DROSHA: variants seen among roughly 807,000 people sequenced by gnomAD.
The protein encoded by DROSHA is drosha ribonuclease III, also known as ribonuclease 3.
DROSHA carries 56 observed loss-of-function variants against 181.9 expected under a neutral mutation model. The observed-to-expected ratio is 0.31, with a 90% CI of 0.25 to 0.38. The LOEUF (loss-of-function observed/expected upper bound fraction) is 0.38, where lower values mean the gene tolerates loss of function less well. DROSHA is among the 10% of genes least tolerant of loss of function. The pLI, the probability that DROSHA is intolerant of heterozygous loss-of-function variation, is 1.00. For missense variants in DROSHA, 1,218 were observed against 1,743.5 expected, an observed-to-expected ratio of 0.70 and a Z score of 5.37; for synonymous variants, 524 against 591.2, an observed-to-expected ratio of 0.89 and a Z score of 1.65.
intron 16 of DROSHA, among the ~76,000 whole-genome samples, chr5:31,481,057 AAC>A (rs1163381294): frequency 5.3e-5 from 8 of 150,882 alleles, no homozygotes; most frequent in Admixed American, 5.3e-4. Context: ...ACGTAAAAAA[AAC>A]CCTTCTGCAC....
At chr5:31,446,224 A>G (rs903462667) in intron 23 of DROSHA, among the ~76,000 whole-genome samples, 2 of 152,102 alleles carry the variant, frequency 1.3e-5, no homozygotes, top group Non-Finnish European at 2.9e-5. Context: ...AGGCGGGCGG[A>G]TCACAAGGTC....
At chr5:31,413,008 T>C (rs767547719) in intron 30 of DROSHA, among the ~76,000 whole-genome samples, 2 of 152,176 alleles carry the variant, frequency 1.3e-5, no homozygotes, top group Non-Finnish European at 2.9e-5. Context: ...AAGCCGTGTA[T>C]ATGGAATGTT....
rs564476818 is a variant in DROSHA, at chr5:31,463,851, T to C, written c.2574+385A>G. Among the ~76,000 whole-genome samples the C allele has an allele frequency of 3.3e-5, 5 of 152,318 alleles. No homozygotes were observed. In the East Asian group the frequency reaches 9.7e-4, roughly 29 times the overall value. ...ATTTGAGTCATCAGTCTAGAAAACA[T>C]ACACTTTACGAGTCTGCTTGTATGG... On this transcript the variant is annotated intron_variant, in intron 20 of 35. Transcript: ENST00000344624.
chr5:31,521,109 A>G lies in DROSHA; in HGVS notation c.947+14T>C, dbSNP rs764591050. The G allele has an allele frequency of 1.9e-6, 3 of 1,613,112 alleles. No homozygotes were observed. The highest frequency in any genetic ancestry group is 2.5e-6 in the Non-Finnish European group (3 of 1,179,240). On this transcript the variant is annotated intron_variant, in intron 6 of 35. Transcript: ENST00000344624. The stretch of plus-strand genomic sequence containing the variant: ...TAATCCTATGACTTCTTTCAGTGTC[A>G]ACTCCTTGCTTACCTTCCAGATCTC...
At chr5:31,492,488 A>G (rs954316345) in intron 13 of DROSHA, among the ~76,000 whole-genome samples, 2 of 152,250 alleles carry the variant, frequency 1.3e-5, no homozygotes, top group Non-Finnish European at 2.9e-5. Context: ...TTTGATGTGG[A>G]TATACAATAG....
intron 27 of DROSHA, among the ~76,000 whole-genome samples, chr5:31,428,751 T>A (rs1580057542): frequency 6.6e-6 from 1 of 152,292 alleles, no homozygotes; most frequent in East Asian, 1.9e-4. Flanking sequence ...TATTGCTCCA[T>A]GAGGGCTATT....
chr5:31,403,665 A>G (rs77465976), intron 35 of DROSHA, among the ~76,000 whole-genome samples: 4,456 of 152,266 alleles, frequency 0.029, 120 homozygotes, highest in African/African-American at 0.071. Flanking sequence ...ATAAATTTTT[A>G]TTGGCAGACA....
intron 11 of DROSHA, among the ~76,000 whole-genome samples, chr5:31,497,043 C>G (rs541441546): frequency 9.2e-5 from 14 of 152,168 alleles, no homozygotes; most frequent in Non-Finnish European, 1.6e-4. Flanking sequence ...CAATGGTAAC[C>G]CCGTGCACTC....
Position 31,409,380 on chromosome 5 carries a change from A to G in DROSHA, c.3668-48T>C. The G allele has an allele frequency of 6.5e-7, 1 of 1,537,316 alleles. No individual in the cohort carries two copies. Among genetic ancestry groups the G allele is most frequent in the South Asian group, 1.2e-5 (1 of 83,116 alleles). ...AAATAAACCACAATCACTGCCATCT[A>G]TCAGAAAGAGTAAGAGACCTAGACC... On this transcript the variant is annotated intron_variant, in intron 31 of 35. Coordinates refer to ENST00000344624, the MANE Select transcript of DROSHA (RefSeq NM_001382508.1). The surrounding 1 kb of genome is among the most constrained non-coding windows in gnomAD (Gnocchi z 4.0).
chr5:31,528,356 A>G lies in DROSHA; in HGVS notation c.20+684T>C, dbSNP rs193251874. Among the ~76,000 whole-genome samples, 387 of 152,238 alleles carry G rather than the reference A, an allele frequency of 2.5e-3. 2 individuals are homozygous for G. Among genetic ancestry groups the G allele is most frequent in the African/African-American group, 8.8e-3 (365 of 41,534 alleles). ...CAACAAATTCAACATAACATATGCT[A>G]AAAGGAATTAATGACCTTGCCCTCC... On this transcript the variant is annotated intron_variant, in intron 4 of 35. Coordinates refer to ENST00000344624, the MANE Select transcript of DROSHA (RefSeq NM_001382508.1).
chr5:31,523,563 T>C (rs1019069232), intron 5 of DROSHA, among the ~76,000 whole-genome samples: 1 of 152,250 alleles, frequency 6.6e-6, no homozygotes, highest in African/African-American at 2.4e-5. Context: ...GAATGTTTGC[T>C]GCAAAATGTT....
chr5:31,464,685 T>TCA (rs1026655212), intron 19 of DROSHA, among the ~76,000 whole-genome samples: 1 of 151,716 alleles, frequency 6.6e-6, no homozygotes, highest in African/African-American at 2.4e-5. Flanking sequence ...TTATCAAGCC[T>TCA]CATGTTAAGT....
At chr5:31,484,367 C>T (rs1392494393) in intron 15 of DROSHA, among the ~76,000 whole-genome samples, 2 of 113,340 alleles carry the variant, frequency 1.8e-5, no homozygotes, top group Admixed American at 2.3e-4. Flanking sequence ...GGCGACAGAG[C>T]GAGACTCCGT....
chr5:31,487,503 G>A (rs1025044935), intron 13 of DROSHA, among the ~76,000 whole-genome samples: 4 of 152,214 alleles, frequency 2.6e-5, no homozygotes, highest in African/African-American at 9.6e-5. Context: ...GCAGAGAATT[G>A]GCTGGCTAGC....
In DROSHA at chr5:31,526,408, G is replaced by A. The variant is rs187031144; in HGVS notation, c.525C>T (p.His175=). 144 of 1,613,524 alleles carry A rather than the reference G, an allele frequency of 8.9e-5. 1 individual carries two copies. The African/African-American group carries it at 1.6e-3, about 18-fold the overall frequency. ...TATTAAAACTGGGAGGTGGGAAGTT[G>A]TGGTGAGAATAGCCCGGAGGGTACT... ...NYQYPPGYSH[H]NFPPPSFNSF... is the part of the protein sequence containing the mutation. The change falls in exon 5 of 36, where the codon CAC becomes CAT. Residue 175 remains histidine (H), a synonymous_variant. Coordinates refer to ENST00000344624, the MANE Select transcript of DROSHA (RefSeq NM_001382508.1).
chr5:31,464,206 G>A (rs762295826), intron 20 of DROSHA, 30 bp downstream of exon 20: 2 of 1,592,992 alleles, frequency 1.3e-6, no homozygotes, highest in African/African-American at 1.3e-5. Flanking sequence ...AAAAGTATGG[G>A]CATAACTGTG....
At chr5:31,491,628 G>T (rs750276367) in intron 13 of DROSHA, among the ~76,000 whole-genome samples, 3 of 151,846 alleles carry the variant, frequency 2.0e-5, no homozygotes, top group Non-Finnish European at 4.4e-5. Flanking sequence ...AGATGGTGGG[G>T]GGTGGAGAGT....
intron 17 of DROSHA, among the ~76,000 whole-genome samples, chr5:31,468,462 A>C (rs1367584394): frequency 1.3e-5 from 2 of 152,178 alleles, no homozygotes; most frequent in African/African-American, 4.8e-5. Context: ...GCCTCTATTT[A>C]AGTTTTTTCC....
At chr5:31,491,031 T>C (rs1298322830) in intron 13 of DROSHA, among the ~76,000 whole-genome samples, 1 of 152,204 alleles carries the variant, frequency 6.6e-6, no homozygotes, top group African/African-American at 2.4e-5. Flanking sequence ...GGGATGTTTT[T>C]AAAAATGATG....
Sources: gnomAD v4.1 joint callset for allele counts (sites outside exome capture counted in the v4.1 genomes callset) on GRCh38, gnomAD v4.1.1 for gene constraint, Gnocchi (gnomAD v3.1) non-coding constraint, MANE v1.5 for transcripts, NCBI Gene and HGNC (gene_info 2026-07-23, HGNC 2026-07-21) for gene names.